Variants in HPSE2 observed in about 807,000 individuals in gnomAD.
HPSE2 encodes heparanase 2 (inactive), also known as inactive heparanase-2.
HPSE2 carries 38 observed loss-of-function variants against 60.5 expected under a neutral mutation model. The ratio of observed to expected loss-of-function variants is 0.63; its 90% CI spans 0.48 to 0.82. The LOEUF (loss-of-function observed/expected upper bound fraction) is 0.82. Ranked by LOEUF, HPSE2 falls within the 40% of genes least tolerant of loss-of-function variation. The probability of loss-of-function intolerance (pLI) is 0.00; values close to 1 mark genes in which losing one functional copy is unlikely to be tolerated. For missense variants in HPSE2, 713 were observed against 740.4 expected, an observed-to-expected ratio of 0.96 and a Z score of 0.43; for synonymous variants, 295 against 293.2, an observed-to-expected ratio of 1.01 and a Z score of -0.06.
intron 3 of HPSE2, among the ~76,000 whole-genome samples, chr10:98,915,639 T>C (rs1413972111): frequency 6.6e-6 from 1 of 152,208 alleles, no homozygotes; most frequent in Middle Eastern, 3.2e-3. Context: ...ACACTTCACA[T>C]GCCCCAGTCT....
At position 98,572,793 on chromosome 10, in the gene HPSE2, A is replaced by C. The variant is rs557134302; in HGVS notation, c.1320+42111T>G. Among the ~76,000 whole-genome samples the C allele has an allele frequency of 2.0e-5, 3 of 152,304 alleles. No individual in the cohort carries two copies. In the East Asian group the frequency reaches 5.8e-4, roughly 29 times the overall value. ...CCTCCTGTGTGAAATCCCCCCAACA[A>C]GACTCAGATGCCTCAGGTGGTACGT... is the stretch of plus-strand genomic sequence containing the variant. On this transcript the variant is annotated intron_variant, in intron 9 of 11. Coordinates refer to ENST00000370552, the MANE Select transcript of HPSE2 (RefSeq NM_021828.5).
chr10:98,972,104 G>C (rs531583496), intron 3 of HPSE2, among the ~76,000 whole-genome samples: 1 of 151,988 alleles, frequency 6.6e-6, no homozygotes, highest in Non-Finnish European at 1.5e-5. Context: ...TTAATAGGTA[G>C]AAAGTAATAT....
At chr10:99,278,835 T>C in the HPSE2 span, among the ~76,000 whole-genome samples, 4,197 of 152,318 alleles carry the variant, frequency 0.028, 191 homozygotes, top group African/African-American at 0.095. Context: ...TGTCACACAG[T>C]AGGTGTTCAG....
At chr10:99,033,166 C>T (rs1957534964) in intron 3 of HPSE2, among the ~76,000 whole-genome samples, 1 of 151,980 alleles carries the variant, frequency 6.6e-6, no homozygotes, top group Non-Finnish European at 1.5e-5. Context: ...TGATTAGATA[C>T]ATATATATTT....
In HPSE2 at chr10:98,568,765, G is replaced by A. The variant is rs180678363; in HGVS notation, c.1320+46139C>T. ...CAGGATGTTTTTCCTTAGAGCAGCA[G>A]TGACATGGGACTTGAAGATTAATGA... On this transcript the variant is annotated intron_variant, in intron 9 of 11. Coordinates refer to ENST00000370552, the MANE Select transcript of HPSE2 (RefSeq NM_021828.5). Among the ~76,000 whole-genome samples, 29 of 152,304 alleles carry A rather than the reference G, an allele frequency of 1.9e-4. No homozygotes were observed. In the East Asian group the frequency reaches 3.9e-3, roughly 20 times the overall value.
In HPSE2 at chr10:99,132,877, C is replaced by T. The variant is rs1158398728; in HGVS notation, c.610+11361G>A. ...CATACCCCAATGGTGCCTGAAACGC[C>T]AGCGAGACAGAACTGTTCACTCCCC... On this transcript the variant is annotated intron_variant, in intron 3 of 11. Transcript: ENST00000370552. 2.0e-5 allele frequency among the ~76,000 whole-genome samples: 3 copies of T among 152,276 alleles called. No homozygotes were observed. In the East Asian group the frequency reaches 5.8e-4, roughly 29 times the overall value.
chr10:98,790,801 AAG>A (rs1415097190), intron 3 of HPSE2, among the ~76,000 whole-genome samples: 2 of 152,126 alleles, frequency 1.3e-5, no homozygotes, highest in African/African-American at 2.4e-5. Context: ...TTAAAATAAA[AAG>A]AAAAATAATG....
At chr10:98,643,766 T>C (rs113558186) in intron 6 of HPSE2, among the ~76,000 whole-genome samples, 4 of 151,916 alleles carry the variant, frequency 2.6e-5, no homozygotes, top group African/African-American at 9.7e-5. Flanking sequence ...TGAGACAGAG[T>C]AGTGTTAAAA....
chr10:99,132,195 G>GAAAGAAAGAAAGAAAGAAAGAA (rs1564832790), intron 3 of HPSE2, among the ~76,000 whole-genome samples: 1 of 14,114 alleles, frequency 7.1e-5, no homozygotes, highest in African/African-American at 1.5e-4. Flanking sequence ...GAAAGAAAGA[G>GAAAGAAAGAAAGAAAGAAAGAA]AGAGAGAGAG....
At chr10:98,978,250 G>A (rs1956131736) in intron 3 of HPSE2, among the ~76,000 whole-genome samples, 1 of 151,866 alleles carries the variant, frequency 6.6e-6, no homozygotes, top group African/African-American at 2.4e-5. Flanking sequence ...TTTTTAAAAG[G>A]CTATGGTTTC....
intron 3 of HPSE2, among the ~76,000 whole-genome samples, chr10:99,061,221 G>C (rs561257312): frequency 6.6e-6 from 1 of 152,122 alleles, no homozygotes; most frequent in South Asian, 2.1e-4. Flanking sequence ...GATGTTGAGA[G>C]GAAGAGGTGG....
chr10:98,943,437 C>G (rs1955081882), intron 3 of HPSE2, among the ~76,000 whole-genome samples: 1 of 151,940 alleles, frequency 6.6e-6, no homozygotes, highest in Non-Finnish European at 1.5e-5. Context: ...AAGATCATTT[C>G]TGTACCCTTG....
At chr10:98,735,702 G>C (rs1424503143) in intron 4 of HPSE2, among the ~76,000 whole-genome samples, 4 of 152,142 alleles carry the variant, frequency 2.6e-5, no homozygotes, top group African/African-American at 7.2e-5. Context: ...TCATTTGGGA[G>C]CTTTACGATT....
At chr10:99,002,448 C>T (rs1325154026) in intron 3 of HPSE2, among the ~76,000 whole-genome samples, 3 of 152,074 alleles carry the variant, frequency 2.0e-5, no homozygotes. Context: ...TAAAGGCCAA[C>T]ATGAACAGTG....
chr10:98,687,656 GATT>G (rs1947951579), intron 6 of HPSE2, among the ~76,000 whole-genome samples: 1 of 152,140 alleles, frequency 6.6e-6, no homozygotes, highest in Non-Finnish European at 1.5e-5. Flanking sequence ...ATACATTTAC[GATT>G]ATTATGTCTT....
chr10:98,539,387 G>T (rs896778925), intron 9 of HPSE2, among the ~76,000 whole-genome samples: 1 of 152,110 alleles, frequency 6.6e-6, no homozygotes, highest in Non-Finnish European at 1.5e-5. Context: ...CGGGCGTGGT[G>T]GTGCATGCCT....
intron 3 of HPSE2, among the ~76,000 whole-genome samples, chr10:99,035,733 T>C (rs926344451): frequency 6.6e-6 from 1 of 152,238 alleles, no homozygotes; most frequent in Non-Finnish European, 1.5e-5. Context: ...CATTACGTGA[T>C]AGGAATTTTT....
chr10:98,595,941 T>C (rs1945223650), intron 9 of HPSE2, among the ~76,000 whole-genome samples: 1 of 152,248 alleles, frequency 6.6e-6, no homozygotes, highest in African/African-American at 2.4e-5. Context: ...ATGCTTTTTC[T>C]ACATCTATTG....
At chr10:99,286,129 G>A in the HPSE2 span, among the ~76,000 whole-genome samples, 1 of 152,150 alleles carries the variant, frequency 6.6e-6, no homozygotes, top group Non-Finnish European at 1.5e-5. Flanking sequence ...TAATGGGAAC[G>A]TGAAATTACA....
Sources: allele counts gnomAD v4.1 joint callset (sites outside exome capture counted in the v4.1 genomes callset), GRCh38; gene constraint gnomAD v4.1.1; transcripts MANE v1.5; gene names NCBI Gene and HGNC (gene_info 2026-07-23, HGNC 2026-07-21).